SUMF1: variants seen among roughly 807,000 people sequenced by gnomAD.
SUMF1 encodes formylglycine-generating enzyme.
Under a neutral mutation model 47.6 loss-of-function variants are expected in SUMF1, and 48 were observed. That is an observed-to-expected ratio of 1.01 (90% CI 0.80 to 1.28). The LOEUF is 1.28. Ranked by LOEUF, SUMF1 falls within the 50% of genes most tolerant of loss-of-function variation. SUMF1 has a pLI of 0.00. For synonymous variants in SUMF1, 230 were observed against 192.1 expected (o/e 1.20, Z -1.63); for missense variants, 571 against 485.4 (o/e 1.18, Z -1.66).
intron 3 of SUMF1, among the ~76,000 whole-genome samples, chr3:4,439,820 C>G (rs927618612): frequency 2.6e-5 from 4 of 151,722 alleles, no homozygotes; most frequent in African/African-American, 9.7e-5. Context: ...CGTCAACCTC[C>G]CAAAGGGCTG....
chr3:4,178,875 C>A (rs1029024878), intron 8 of SUMF1, among the ~76,000 whole-genome samples: 5 of 152,274 alleles, frequency 3.3e-5, no homozygotes, highest in Non-Finnish European at 7.4e-5. Flanking sequence ...GCAAAAATCA[C>A]AAGCATTCCA....
At chr3:4,347,036 A>G (rs990033580) in intron 8 of SUMF1, among the ~76,000 whole-genome samples, 1 of 152,330 alleles carries the variant, frequency 6.6e-6, no homozygotes. Context: ...TTGAGGCAGT[A>G]ATTAATAGCC....
intron 9 of SUMF1, among the ~76,000 whole-genome samples, chr3:4,046,161 G>T (rs908263676): frequency 1.3e-5 from 2 of 152,118 alleles, no homozygotes; most frequent in East Asian, 3.8e-4. Context: ...TCTAGCTCAG[G>T]TCTTACCTAA....
intron 8 of SUMF1, chr3:4,313,991 T>G: frequency 1.3e-6 from 1 of 751,826 alleles, no homozygotes; most frequent in Non-Finnish European, 2.1e-6. Flanking sequence ...GTGACTGTTC[T>G]AGTTAATAGG....
intron 8 of SUMF1, among the ~76,000 whole-genome samples, chr3:4,278,475 A>C (rs560768995): frequency 6.6e-6 from 1 of 152,288 alleles, no homozygotes; most frequent in Non-Finnish European, 1.5e-5. Flanking sequence ...TTGAAAATAC[A>C]GGATGACTTG....
chr3:4,068,066 A>G (rs1423558674), intron 9 of SUMF1, among the ~76,000 whole-genome samples: 1 of 152,178 alleles, frequency 6.6e-6, no homozygotes, highest in Non-Finnish European at 1.5e-5. Flanking sequence ...TTAGCACCAC[A>G]TGGAGGAAGA....
At chr3:4,313,053 T>C in intron 8 of SUMF1, 1 of 1,613,910 alleles carries the variant, frequency 6.2e-7, no homozygotes, top group South Asian at 1.1e-5. Context: ...GCCTTAGAGA[T>C]ATAGGATCTG....
intron 8 of SUMF1, among the ~76,000 whole-genome samples, chr3:4,231,801 T>A (rs56677857): frequency 0.035 from 5,284 of 152,118 alleles, 300 homozygotes; most frequent in African/African-American, 0.12. Context: ...GCTACATGGG[T>A]ATCCGGAAAA....
intron 8 of SUMF1, among the ~76,000 whole-genome samples, chr3:4,126,492 A>T (rs1693657562): frequency 6.6e-6 from 1 of 152,060 alleles, no homozygotes; most frequent in Non-Finnish European, 1.5e-5. Context: ...TAGCCTCTAG[A>T]CCATCTACTA....
chr3:4,105,917 C>T (rs186693241), intron 8 of SUMF1, among the ~76,000 whole-genome samples: 47 of 152,040 alleles, frequency 3.1e-4, no homozygotes, highest in Middle Eastern at 3.4e-3. Flanking sequence ...CTACAAATCA[C>T]GATTTCCATA....
At position 4,279,655 on chromosome 3, in the gene SUMF1, C is replaced by CA. The variant is rs1323711815; in HGVS notation, c.1014+96674dup. Among the ~76,000 whole-genome samples the CA allele has an allele frequency of 2.3e-3, 336 of 143,594 alleles. 2 individuals are homozygous for CA. The highest frequency in any genetic ancestry group is 6.9e-3 in the Middle Eastern group (2 of 290). 94.2% of individuals were successfully genotyped at this position (143,594 alleles called of 152,430 possible). ...ACAGCAGAGCTGGAAGCAATAAATG[C>CA]AAAAAAAAAATAAAGCCATGTTGTG... On this transcript the variant is annotated intron_variant and NMD_transcript_variant, in intron 8 of 12. Transcript: ENST00000448413.
chr3:4,206,577 T>C (rs1267953173), intron 8 of SUMF1, among the ~76,000 whole-genome samples: 1 of 152,106 alleles, frequency 6.6e-6, no homozygotes, highest in African/African-American at 2.4e-5. Flanking sequence ...TGCCAGAAGA[T>C]GTGGCAAGGG....
At chr3:4,291,322 C>T (rs911251114) in intron 8 of SUMF1, among the ~76,000 whole-genome samples, 5 of 151,964 alleles carry the variant, frequency 3.3e-5, no homozygotes, top group Non-Finnish European at 5.9e-5. Flanking sequence ...CAGATATTTT[C>T]GCTTGCCCTG....
chr3:4,151,473 A>G (rs913931729), intron 8 of SUMF1, among the ~76,000 whole-genome samples: 5 of 146,480 alleles, frequency 3.4e-5, no homozygotes, highest in Admixed American at 2.7e-4. Flanking sequence ...ATATGTATAT[A>G]TGTATATATG....
At chr3:4,417,892 AAAG>A in intron 5 of SUMF1, 115 bp downstream of exon 5, 1 of 1,557,128 alleles carries the variant, frequency 6.4e-7, no homozygotes, top group South Asian at 1.1e-5. Context: ...AAAATAAGAA[AAAG>A]AATTATTGTC....
At chr3:4,379,620 G>C (rs577872679) in intron 7 of SUMF1, among the ~76,000 whole-genome samples, 1 of 151,616 alleles carries the variant, frequency 6.6e-6, no homozygotes, top group South Asian at 2.1e-4. Context: ...TGGAGGTCAA[G>C]AGATCAAGGT....
At chr3:4,193,628 G>T (rs185440300) in intron 8 of SUMF1, among the ~76,000 whole-genome samples, 5 of 152,078 alleles carry the variant, frequency 3.3e-5, no homozygotes, top group Non-Finnish European at 5.9e-5. Context: ...GAGGAGCAGG[G>T]GTACACAAAT....
intron 4 of SUMF1, among the ~76,000 whole-genome samples, 190 bp from the exon 5 acceptor site, chr3:4,418,322 C>T (rs925907431): frequency 6.6e-6 from 1 of 152,210 alleles, no homozygotes; most frequent in African/African-American, 2.4e-5. Flanking sequence ...ACCCAGGCTC[C>T]CAAATGGGTT....
chr3:4,131,984 C>A (rs1448997528), intron 8 of SUMF1, among the ~76,000 whole-genome samples: 1 of 152,058 alleles, frequency 6.6e-6, no homozygotes, highest in Non-Finnish European at 1.5e-5. Context: ...GTGCTGAGTG[C>A]CCAATTTGCC....
Sources: gnomAD v4.1 joint callset for allele counts (sites outside exome capture counted in the v4.1 genomes callset) on GRCh38, gnomAD v4.1.1 for gene constraint, MANE v1.5 for transcripts, NCBI Gene and HGNC (gene_info 2026-07-23, HGNC 2026-07-21) for gene names.